Variants in CEP170B observed in about 807,000 individuals in gnomAD.
CEP170B encodes the protein centrosomal protein of 170 kDa protein B.
CEP170B carries 55 observed loss-of-function variants against 120.6 expected under a neutral mutation model. The ratio of observed to expected loss-of-function variants is 0.46; its 90% CI spans 0.37 to 0.57. The LOEUF (loss-of-function observed/expected upper bound fraction) is 0.57, where lower values mean the gene tolerates loss of function less well. CEP170B is among the 20% of genes least tolerant of loss of function. The probability of loss-of-function intolerance (pLI) is 0.00; values close to 1 mark genes in which losing one functional copy is unlikely to be tolerated. For missense variants in CEP170B, 2,212 were observed against 2,253.3 expected, an observed-to-expected ratio of 0.98 and a Z score of 0.37; for synonymous variants, 1,033 against 954.5, an observed-to-expected ratio of 1.08 and a Z score of -1.52.
chr14:104,880,172 G>A lies in CEP170B; in HGVS notation c.334-115G>A, dbSNP rs1303079526. The A allele has an allele frequency of 2.9e-6, 4 of 1,393,308 alleles. No homozygotes were observed. In the African/African-American group the frequency reaches 5.7e-5, roughly 20 times the overall value. The allele number at this position is 1,393,308 out of a possible 1,614,324, so 86.3% of individuals were successfully genotyped here. On this transcript the variant is annotated intron_variant, in intron 5 of 18. Transcript: ENST00000414716. ...TTTTGGGGAGCATTAGGGAGAGCTT[G>A]TGACATGCAAAGTCATAGCTGGGCC...
intron 3 of CEP170B, 31 bp downstream of exon 3, chr14:104,876,376 T>A: frequency 6.5e-7 from 1 of 1,545,020 alleles, no homozygotes; most frequent in Non-Finnish European, 8.8e-7. Flanking sequence ...CCTGGCCTTT[T>A]AACAGCTCGA....
chr14:104,871,728 T>C (rs1895494980), intron 2 of CEP170B, among the ~76,000 whole-genome samples: 1 of 151,404 alleles, frequency 6.6e-6, no homozygotes, highest in South Asian at 2.1e-4. Context: ...GCAGCAGGAG[T>C]TGGGGCCGGT....
intron 2 of CEP170B, among the ~76,000 whole-genome samples, 183 bp from the exon 3 acceptor site, chr14:104,876,073 A>G (rs979432688): frequency 1.3e-5 from 2 of 152,028 alleles, no homozygotes; most frequent in African/African-American, 4.8e-5. Context: ...AGGGTGGGGG[A>G]CGTGGCCCTG....
At chr14:104,892,663 G>A (rs1027920053) in intron 13 of CEP170B, among the ~76,000 whole-genome samples, 5 of 152,232 alleles carry the variant, frequency 3.3e-5, no homozygotes, top group Admixed American at 6.5e-5. Flanking sequence ...CTGGGGGGCC[G>A]GAGAGAGAGG....
chr14:104,880,402 A>C lies in CEP170B; in HGVS notation c.449A>C (p.Lys150Thr), dbSNP rs929988178. The C allele has an allele frequency of 1.2e-6, 2 of 1,612,480 alleles. No homozygotes were observed. Among genetic ancestry groups the C allele is most frequent in the African/African-American group, 1.3e-5 (1 of 74,854 alleles). ...YCEASNPRPE[K>T]GDRRPGTEAA... is the part of the protein sequence containing the mutation. ...GAGGCCTCGAACCCCAGGCCGGAGA[A>C]GGGGGACCGGAGACCAGGAACAGGT... Residue 150 changes from lysine to threonine, a missense_variant, in exon 6 of 19, where the codon AAG becomes ACG. Physicochemically the swap from Lys to Thr is moderately conservative, Grantham distance 78. Transcript: ENST00000414716.
Position 104,884,304 on chromosome 14 carries a change from C to A in CEP170B, c.1525C>A (p.Arg509=). ...CCAGGACTTCATGGCCCAGTGTCTGCGGGAGAGCTCCCCGGCCGCCCGGCC... is the reference window on the plus strand; with the variant it reads ...CCAGGACTTCATGGCCCAGTGTCTGAGGGAGAGCTCCCCGGCCGCCCGGCC... The part of the protein sequence containing the change: ...LAQDFMAQCL[R]ESSPAARPSP... Residue 509 remains arginine (R), a synonymous_variant, in exon 9 of 19, where the codon CGG becomes AGG. Transcript: ENST00000414716. 3 of 1,543,424 alleles carry A rather than the reference C, an allele frequency of 1.9e-6. No homozygotes were observed. Among genetic ancestry groups the A allele is most frequent in the Middle Eastern group, 3.8e-4 (2 of 5,200 alleles).
In CEP170B at chr14:104,884,227, C is replaced by T. The variant is rs1200650589; in HGVS notation, c.1448C>T (p.Ser483Phe). 1.3e-6 allele frequency: 2 copies of T among 1,543,662 alleles called. No homozygotes were observed. Among genetic ancestry groups the T allele is most frequent in the Admixed American group, 2.0e-5 (1 of 51,266 alleles). The change falls in exon 9 of 19, where the codon TCC (serine) becomes TTC (phenylalanine). Residue 483 changes from serine (S) to phenylalanine (F), a missense_variant. Transcript: ENST00000414716. ...CGGCTGGGCAGCCCCTCGCCCGCCT[C>T]CCGAACCCCTGCCCGCCCCTTCGGA... ...EERLGSPSPA[S>F]RTPARPFGSV... is the part of the protein sequence containing the mutation.
chr14:104,874,732 A>G (rs1310052137), intron 2 of CEP170B, among the ~76,000 whole-genome samples: 1 of 95,162 alleles, frequency 1.1e-5, no homozygotes, highest in African/African-American at 4.1e-5. Context: ...CCTCCACTGC[A>G]GTACCCCCCA....
Position 104,887,460 on chromosome 14 carries a change from G to T in CEP170B, c.3221G>T (p.Gly1074Val). The T allele has an allele frequency of 6.2e-7, 1 of 1,611,846 alleles. No homozygotes were observed. The highest frequency in any genetic ancestry group is 8.5e-7 in the Non-Finnish European group (1 of 1,179,544). ...GAAACCCCTGAGGCCACCGGGGCAG[G>T]ACGGCTAGGTTCTCGCCGGAAACCA... ...NHETPEATGA[G>V]RLGSRRKPAA... Residue 1074 changes from glycine (G) to valine (V), a missense_variant, in exon 12 of 19, where the codon GGA (glycine) becomes GTA (valine). By Grantham distance (109) the Gly-to-Val change is moderately radical. Transcript: ENST00000414716.
intron 13 of CEP170B, among the ~76,000 whole-genome samples, chr14:104,892,314 C>T (rs1197439001): frequency 2.0e-5 from 3 of 152,140 alleles, no homozygotes; most frequent in African/African-American, 7.2e-5. Flanking sequence ...TCTGTTACCT[C>T]GGCAGGGTGG....
intron 4 of CEP170B, 79 bp downstream of exon 4, chr14:104,878,042 C>A: frequency 1.7e-6 from 2 of 1,203,068 alleles, no homozygotes; most frequent in Non-Finnish European, 2.4e-6. Flanking sequence ...ACTCCAGAAG[C>A]AGGGCTGTCA....
At chr14:104,879,645 G>A (rs947726218) in intron 5 of CEP170B, among the ~76,000 whole-genome samples, 4 of 152,310 alleles carry the variant, frequency 2.6e-5, no homozygotes, top group African/African-American at 7.2e-5. Flanking sequence ...CCGCCAGCAG[G>A]GGGTGGCCAG....
At chr14:104,890,322 G>GTGGA (rs1199135288) in intron 13 of CEP170B, among the ~76,000 whole-genome samples, 1 of 112,368 alleles carries the variant, frequency 8.9e-6, no homozygotes. Context: ...GGGTGGGTGG[G>GTGGA]TGGATGGATG....
At chr14:104,874,879 C>G (rs186391022) in intron 2 of CEP170B, among the ~76,000 whole-genome samples, 1 of 152,170 alleles carries the variant, frequency 6.6e-6, no homozygotes, top group South Asian at 2.1e-4. Context: ...CACCACGAGC[C>G]CCACCCAGCT....
chr14:104,892,271 G>T (rs1896883663), intron 13 of CEP170B, among the ~76,000 whole-genome samples: 1 of 152,178 alleles, frequency 6.6e-6, no homozygotes, highest in Non-Finnish European at 1.5e-5. Context: ...GCTGCTCACG[G>T]GCCCGGCAGG....
In CEP170B at chr14:104,868,544, C is replaced by T. The variant is rs1373261443; in HGVS notation, c.94C>T (p.Leu32Phe). Residue 32 changes from leucine to phenylalanine, a missense_variant, in exon 2 of 19, where the codon CTC becomes TTC. Transcript: ENST00000414716. This position sits in a 1 kb window ranked among gnomAD's most constrained non-coding sequence, Gnocchi z 5.9. Reference protein sequence around the residue: ...LIFVGREECELMLQSRSVDKQ... With the variant: ...LIFVGREECEFMLQSRSVDKQ... ...CTTCGTGGGGCGTGAGGAGTGTGAG[C>T]TCATGCTACAGGTTTGCAGGGAGCG... 6.5e-7 allele frequency: 1 copy of T among 1,549,480 alleles called. No individual in the cohort carries two copies.
chr14:104,877,848 A>AGC, intron 3 of CEP170B, 37 bp from the exon 4 acceptor site: 1 of 273,378 alleles, frequency 3.7e-6, no homozygotes, highest in African/African-American at 1.7e-4. Context: ...CCACCCGCGC[A>AGC]GCTCCCCCCC....
rs750530304 is a variant in CEP170B, at chr14:104,889,781, A to G, written c.3878+23A>G. 6 of 1,587,866 alleles carry G rather than the reference A, an allele frequency of 3.8e-6. No homozygotes were observed. The African/African-American group carries it at 8.1e-5, about 21-fold the overall frequency. On this transcript the variant is annotated intron_variant, in intron 13 of 18. Coordinates refer to ENST00000414716, the MANE Select transcript of CEP170B (RefSeq NM_001112726.3). Reference sequence around the variant, plus strand: ...CAGGTGAGTAGCCCATTCAGAGTAAATCCACTGGGTGCCAGTGCGTTTTCT... The same window carrying G: ...CAGGTGAGTAGCCCATTCAGAGTAAGTCCACTGGGTGCCAGTGCGTTTTCT...
In CEP170B at chr14:104,887,455, G is replaced by T. The variant is rs1444964469; in HGVS notation, c.3216G>T (p.Gly1072=). Residue 1072 remains glycine, a synonymous_variant, in exon 12 of 19, where the codon GGG becomes GGT. Transcript: ENST00000414716. ...ACCACGAAACCCCTGAGGCCACCGG[G>T]GCAGGACGGCTAGGTTCTCGCCGGA... ...ASNHETPEAT[G]AGRLGSRRKP... 1 of 1,611,604 alleles carries T rather than the reference G, an allele frequency of 6.2e-7. No homozygotes were observed. Among genetic ancestry groups the T allele is most frequent in the East Asian group, 2.2e-5 (1 of 44,876 alleles).
Sources: gnomAD v4.1 joint callset for allele counts (sites outside exome capture counted in the v4.1 genomes callset) on GRCh38, gnomAD v4.1.1 for gene constraint, Gnocchi (gnomAD v3.1) non-coding constraint, MANE v1.5 for transcripts, NCBI Gene and HGNC (gene_info 2026-07-23, HGNC 2026-07-21) for gene names.